ZC3H3: variants seen among roughly 807,000 people sequenced by gnomAD.
ZC3H3 encodes zinc finger CCCH-type containing 3, also known as zinc finger CCCH domain-containing protein 3.
Under a neutral mutation model 77.3 loss-of-function variants are expected in ZC3H3, and 36 were observed. The ratio of observed to expected loss-of-function variants is 0.47; its 90% CI spans 0.36 to 0.61. The LOEUF (loss-of-function observed/expected upper bound fraction) is 0.61. Among genes scored for constraint, ZC3H3 ranks in the 20% least tolerant of loss-of-function variants. ZC3H3 has a pLI of 0.00. For synonymous variants in ZC3H3, 626 were observed against 555.2 expected (o/e 1.13, Z -1.79); for missense variants, 1,331 against 1,312.2 (o/e 1.01, Z -0.22).
chr8:143,513,162 C>T (rs1821926812), intron 3 of ZC3H3, among the ~76,000 whole-genome samples: 1 of 152,150 alleles, frequency 6.6e-6, no homozygotes, highest in African/African-American at 2.4e-5. Flanking sequence ...CACCCACGGC[C>T]TCAGCTGGCT....
chr8:143,502,502 A>G (rs1821555875), intron 4 of ZC3H3, among the ~76,000 whole-genome samples: 1 of 152,250 alleles, frequency 6.6e-6, no homozygotes, highest in Non-Finnish European at 1.5e-5. Context: ...GATTTACCGC[A>G]CAGACACAAA....
In ZC3H3 at chr8:143,468,193, C is replaced by G; in HGVS notation, c.2175+16G>C. 1 of 1,605,616 alleles carries G rather than the reference C, an allele frequency of 6.2e-7. No individual in the cohort carries two copies. Among genetic ancestry groups the G allele is most frequent in the Non-Finnish European group, 8.5e-7 (1 of 1,174,528 alleles). ...AGAAAGGTGCACGGGAGCAGGGCCA[C>G]CAGCGCCGCACTCACCTTCTCCTTG... On this transcript the variant is annotated intron_variant, in intron 8 of 11. Coordinates refer to ENST00000262577, the MANE Select transcript of ZC3H3 (RefSeq NM_015117.3).
chr8:143,492,754 G>A (rs1416000095), intron 4 of ZC3H3, among the ~76,000 whole-genome samples: 2 of 139,958 alleles, frequency 1.4e-5, no homozygotes, highest in Non-Finnish European at 1.6e-5. Context: ...CCCGTGTCCT[G>A]GCCCAGGGGC....
intron 11 of ZC3H3, among the ~76,000 whole-genome samples, chr8:143,439,423 G>A (rs1192166748): frequency 1.3e-5 from 2 of 152,154 alleles, no homozygotes; most frequent in African/African-American, 4.8e-5. Flanking sequence ...GGGGTTTATC[G>A]TCACTCAAAC....
At chr8:143,534,030 T>C (rs1038937588) in intron 3 of ZC3H3, among the ~76,000 whole-genome samples, 3 of 151,364 alleles carry the variant, frequency 2.0e-5, no homozygotes, top group Non-Finnish European at 4.4e-5. Context: ...ACACCTGTAA[T>C]CCCAGCACTT....
chr8:143,533,405 C>A lies in ZC3H3; in HGVS notation c.1561+2852G>T, dbSNP rs548974629. Among the ~76,000 whole-genome samples, 17 of 152,312 alleles carry A rather than the reference C, an allele frequency of 1.1e-4. No individual in the cohort carries two copies. Among genetic ancestry groups the A allele is most frequent in the Admixed American group, 9.8e-4 (15 of 15,306 alleles). On this transcript the variant is annotated intron_variant, in intron 3 of 11. Transcript: ENST00000262577. The surrounding 1 kb of genome is among the most constrained non-coding windows in gnomAD (Gnocchi z 4.0). The stretch of plus-strand genomic sequence containing the variant: ...TCTGCAGCTGGCCCTGTGCTCTCCC[C>A]CTGCCTGTTCCTCAGAAGGCATTTT...
At chr8:143,475,685 G>A in intron 4 of ZC3H3, 100 bp from the exon 5 acceptor site, 10 of 1,371,524 alleles carry the variant, frequency 7.3e-6, no homozygotes, top group Non-Finnish European at 9.7e-6. Context: ...CTCCCAAGGG[G>A]GACAGGGAGC....
At chr8:143,526,884 G>T (rs990829433) in intron 3 of ZC3H3, among the ~76,000 whole-genome samples, 11 of 152,202 alleles carry the variant, frequency 7.2e-5, no homozygotes, top group Non-Finnish European at 1.5e-4. Context: ...CCATTACTTT[G>T]GTGGGAGAAC....
chr8:143,536,562 C>T, intron 2 of ZC3H3, 109 bp from the exon 3 acceptor site: 10 of 1,204,396 alleles, frequency 8.3e-6, no homozygotes, highest in Non-Finnish European at 1.1e-5. Context: ...AAGGCCAGGA[C>T]CAGGCCACAG....
chr8:143,526,624 CAAG>C (rs1166432513), intron 3 of ZC3H3, among the ~76,000 whole-genome samples: 2 of 152,156 alleles, frequency 1.3e-5, no homozygotes, highest in African/African-American at 4.8e-5. Context: ...AGGCAAGGGT[CAAG>C]GTGGAGAGAC....
chr8:143,473,070 G>C (rs914997489), intron 5 of ZC3H3, among the ~76,000 whole-genome samples: 1 of 152,206 alleles, frequency 6.6e-6, no homozygotes, highest in Non-Finnish European at 1.5e-5. Context: ...GCGTACGTCA[G>C]GACATCATGG....
chr8:143,517,984 G>A (rs550821485), intron 3 of ZC3H3, among the ~76,000 whole-genome samples: 131 of 152,258 alleles, frequency 8.6e-4, no homozygotes, highest in African/African-American at 2.5e-3. Context: ...GCCAAGCCCC[G>A]AGGCCCTGGC....
intron 3 of ZC3H3, among the ~76,000 whole-genome samples, chr8:143,535,121 T>G (rs894725053): frequency 1.3e-5 from 2 of 152,064 alleles, no homozygotes; most frequent in Non-Finnish European, 2.9e-5. Context: ...CTCGGCTCAC[T>G]GCAACCTCCC....
At chr8:143,527,295 G>A (rs893273566) in intron 3 of ZC3H3, among the ~76,000 whole-genome samples, 1 of 152,176 alleles carries the variant, frequency 6.6e-6, no homozygotes, top group African/African-American at 2.4e-5. Context: ...CCTGGGCTGG[G>A]AAGAGAGGGA....
At chr8:143,439,487 C>T (rs182103608) in intron 11 of ZC3H3, among the ~76,000 whole-genome samples, 84 of 152,342 alleles carry the variant, frequency 5.5e-4, no homozygotes, top group Non-Finnish European at 9.8e-4. Flanking sequence ...CCATAAAATC[C>T]TCTTTTCTCT....
intron 3 of ZC3H3, among the ~76,000 whole-genome samples, chr8:143,528,556 G>A (rs1442035493): frequency 6.6e-6 from 1 of 152,248 alleles, no homozygotes; most frequent in Non-Finnish European, 1.5e-5. Flanking sequence ...CTCTGCTGGA[G>A]GCCGGGGATC....
intron 3 of ZC3H3, among the ~76,000 whole-genome samples, chr8:143,521,677 C>T (rs914386426): frequency 6.6e-6 from 1 of 152,236 alleles, no homozygotes; most frequent in African/African-American, 2.4e-5. Flanking sequence ...ACTTCATTCT[C>T]ACCACCCCAC....
At chr8:143,475,686 G>T in intron 4 of ZC3H3, 101 bp from the exon 5 acceptor site, 3 of 1,363,314 alleles carry the variant, frequency 2.2e-6, no homozygotes, top group Non-Finnish European at 2.9e-6. Context: ...TCCCAAGGGG[G>T]ACAGGGAGCA....
intron 4 of ZC3H3, among the ~76,000 whole-genome samples, chr8:143,479,535 T>C (rs1230165401): frequency 6.6e-6 from 1 of 152,054 alleles, no homozygotes; most frequent in African/African-American, 2.4e-5. Flanking sequence ...CGCTGGAAAA[T>C]AGGAAAGGTA....
Sources: allele counts gnomAD v4.1 joint callset (sites outside exome capture counted in the v4.1 genomes callset), GRCh38; gene constraint gnomAD v4.1.1; non-coding constraint Gnocchi (gnomAD v3.1); transcripts MANE v1.5; gene names NCBI Gene and HGNC (gene_info 2026-07-23, HGNC 2026-07-21).